Variants in CNTN3 observed in about 807,000 individuals in gnomAD.
The protein encoded by CNTN3 is contactin-3.
CNTN3 carries 60 observed loss-of-function variants against 119.1 expected under a neutral mutation model. That is an observed-to-expected ratio of 0.50 (90% CI 0.41 to 0.62). CNTN3 has a LOEUF of 0.62. Ranked by LOEUF, CNTN3 falls within the 20% of genes least tolerant of loss-of-function variation. CNTN3 has a pLI of 0.00. For synonymous variants in CNTN3, 450 were observed against 438.7 expected (o/e 1.03, Z -0.32); for missense variants, 1,101 against 1,242.4 (o/e 0.89, Z 1.71).
chr3:74,586,674 C>T (rs1238516962), intron 1 of CNTN3, among the ~76,000 whole-genome samples: 1 of 151,946 alleles, frequency 6.6e-6, no homozygotes, highest in African/African-American at 2.4e-5. Flanking sequence ...TTACAGCATT[C>T]AGTGAATTCA....
chr3:74,543,200 A>T (rs1703866277), intron 1 of CNTN3, among the ~76,000 whole-genome samples: 2 of 152,202 alleles, frequency 1.3e-5, no homozygotes, highest in African/African-American at 4.8e-5. Context: ...GAAATGCATG[A>T]AAAAGTAGGA....
chr3:74,568,938 G>T (rs903784777), intron 1 of CNTN3, among the ~76,000 whole-genome samples: 1 of 152,240 alleles, frequency 6.6e-6, no homozygotes, highest in East Asian at 1.9e-4. Context: ...CTGTGGCTTT[G>T]GGTCTTGGAC....
At position 74,486,431 on chromosome 3, in the gene CNTN3, G is replaced by T. The variant is rs571363524; in HGVS notation, c.358+25C>A. 2.0e-5 allele frequency: 31 copies of T among 1,555,964 alleles called. No individual in the cohort carries two copies. The African/African-American group carries it at 3.8e-4, about 19-fold the overall frequency. On this transcript the variant is annotated intron_variant, in intron 4 of 22. Coordinates refer to ENST00000263665, the MANE Select transcript of CNTN3 (RefSeq NM_020872.3). Reference sequence around the variant, plus strand: ...TTACATATTTTCTAATGTTGGATTTGCTAGACATGTGAACATAAACTTACA... The same window carrying T: ...TTACATATTTTCTAATGTTGGATTTTCTAGACATGTGAACATAAACTTACA...
At chr3:74,317,158 C>A (rs913836987) in intron 13 of CNTN3, among the ~76,000 whole-genome samples, 1 of 135,388 alleles carries the variant, frequency 7.4e-6, no homozygotes. Flanking sequence ...AGGATTGCAA[C>A]CCCTGCCTTT....
intron 4 of CNTN3, among the ~76,000 whole-genome samples, chr3:74,467,066 C>T (rs1357602490): frequency 1.3e-5 from 2 of 151,824 alleles, no homozygotes; most frequent in South Asian, 2.1e-4. Context: ...TTCCGAAGTA[C>T]AATTTATAGC....
chr3:74,336,965 G>A (rs1455389842), intron 11 of CNTN3, among the ~76,000 whole-genome samples: 2 of 152,184 alleles, frequency 1.3e-5, no homozygotes, highest in East Asian at 1.9e-4. Flanking sequence ...AGTGTCAAAT[G>A]TTTTCCAAAA....
At chr3:74,577,426 G>T (rs1161764074) in intron 1 of CNTN3, among the ~76,000 whole-genome samples, 1 of 152,084 alleles carries the variant, frequency 6.6e-6, no homozygotes, top group African/African-American at 2.4e-5. Flanking sequence ...TTTCTCAAGA[G>T]TGGGGGGGAA....
rs1703929674 is a variant in CNTN3, at chr3:74,547,333, G to A, written c.-80-26141C>T. On this transcript the variant is annotated intron_variant, in intron 1 of 22. Transcript: ENST00000263665. The stretch of plus-strand genomic sequence containing the variant: ...CTATCACTAGTAGATGCATCAAAAT[G>A]TATTCAACCTTTTCCAATGTTTCGA... 2.0e-5 allele frequency among the ~76,000 whole-genome samples: 3 copies of A among 152,102 alleles called. No individual in the cohort carries two copies. In the South Asian group the frequency reaches 6.2e-4, roughly 31 times the overall value.
At chr3:74,284,358 T>A (rs1702069381) in intron 20 of CNTN3, among the ~76,000 whole-genome samples, 1 of 152,056 alleles carries the variant, frequency 6.6e-6, no homozygotes, top group Non-Finnish European at 1.5e-5. Flanking sequence ...ATTTGAAAAA[T>A]AAATTAAGAA....
chr3:74,364,339 C>G (rs554183617), intron 10 of CNTN3, 128 bp downstream of exon 10: 2 of 822,006 alleles, frequency 2.4e-6, no homozygotes, highest in African/African-American at 1.7e-5. Context: ...ACTGAATGAT[C>G]GTGTTGTAAT....
intron 5 of CNTN3, among the ~76,000 whole-genome samples, chr3:74,378,900 C>T (rs1357110111): frequency 6.6e-6 from 1 of 152,186 alleles, no homozygotes; most frequent in Non-Finnish European, 1.5e-5. Flanking sequence ...CTTCACAAAG[C>T]TCATGCTAGG....
At position 74,512,899 on chromosome 3, in the gene CNTN3, C is replaced by T. The variant is rs146145939; in HGVS notation, c.55+8159G>A. 1.0e-4 allele frequency among the ~76,000 whole-genome samples: 5 copies of T among 47,678 alleles called. No homozygotes were observed. The East Asian group carries it at 4.9e-3, about 47-fold the overall frequency. 31.3% of individuals were successfully genotyped at this position (47,678 alleles called of 152,430 possible). The stretch of plus-strand genomic sequence containing the variant: ...CTCTCGTTTTGTACATATGTCTGAG[C>T]TTAAATATCGCTTGCAAGTGTGCAG... On this transcript the variant is annotated intron_variant, in intron 2 of 22. Coordinates refer to ENST00000263665, the MANE Select transcript of CNTN3 (RefSeq NM_020872.3).
At chr3:74,375,541 G>C (rs974642690) in intron 5 of CNTN3, among the ~76,000 whole-genome samples, 1 of 152,176 alleles carries the variant, frequency 6.6e-6, no homozygotes, top group African/African-American at 2.4e-5. Flanking sequence ...TTGGGTTCCA[G>C]ATGGGCCTAA....
intron 5 of CNTN3, among the ~76,000 whole-genome samples, chr3:74,399,697 G>C (rs555617354): frequency 6.6e-6 from 1 of 152,064 alleles, no homozygotes; most frequent in Non-Finnish European, 1.5e-5. Flanking sequence ...CCTGTCTTTA[G>C]GTCTTTGAGG....
intron 20 of CNTN3, among the ~76,000 whole-genome samples, chr3:74,267,758 G>T (rs1286385256): frequency 1.3e-5 from 2 of 152,166 alleles, no homozygotes; most frequent in South Asian, 2.1e-4. Flanking sequence ...ACGTCGATGG[G>T]GGGGATAAGG....
chr3:74,422,623 C>T (rs1315812668), intron 5 of CNTN3, among the ~76,000 whole-genome samples: 2 of 152,090 alleles, frequency 1.3e-5, no homozygotes, highest in Admixed American at 6.6e-5. Context: ...TCCTCCTTTC[C>T]GATCAATGAA....
intron 20 of CNTN3, among the ~76,000 whole-genome samples, chr3:74,282,512 TG>T (rs1353890888): frequency 2.6e-5 from 4 of 152,178 alleles, no homozygotes; most frequent in Non-Finnish European, 4.4e-5. Flanking sequence ...GCTGGGTTTG[TG>T]CTGGGCACTG....
chr3:74,534,445 C>A (rs114610807), intron 1 of CNTN3, among the ~76,000 whole-genome samples: 391 of 151,996 alleles, frequency 2.6e-3, no homozygotes, highest in Non-Finnish European at 4.1e-3. Flanking sequence ...AACATGGAAT[C>A]TTAAAGAACT....
intron 4 of CNTN3, among the ~76,000 whole-genome samples, chr3:74,466,585 G>A (rs994056354): frequency 8.5e-5 from 13 of 152,144 alleles, no homozygotes; most frequent in Non-Finnish European, 1.9e-4. Flanking sequence ...AGGCCGAGAT[G>A]AGTTGTCATG....
Sources: allele counts gnomAD v4.1 joint callset (sites outside exome capture counted in the v4.1 genomes callset), GRCh38; gene constraint gnomAD v4.1.1; transcripts MANE v1.5; gene names NCBI Gene and HGNC (gene_info 2026-07-23, HGNC 2026-07-21).